PDE1C: variants seen among roughly 807,000 people sequenced by gnomAD.
The protein encoded by PDE1C is dual specificity calcium/calmodulin-dependent 3',5'-cyclic nucleotide phosphodiesterase 1C.
PDE1C carries 62 observed loss-of-function variants against 93.1 expected under a neutral mutation model. That is an observed-to-expected ratio of 0.67 (90% confidence interval 0.54 to 0.82). The LOEUF is 0.82. Among genes scored for constraint, PDE1C ranks in the 40% least tolerant of loss-of-function variants. The probability of loss-of-function intolerance (pLI) is 0.00; values close to 1 mark genes in which losing one functional copy is unlikely to be tolerated. For missense variants in PDE1C, 742 were observed against 884.6 expected (o/e 0.84, Z 2.04); for synonymous variants, 325 against 310.1 (o/e 1.05, Z -0.50).
intron 1 of PDE1C, among the ~76,000 whole-genome samples, chr7:32,223,912 A>G (rs1807065274): frequency 6.6e-6 from 1 of 152,172 alleles, no homozygotes; most frequent in Non-Finnish European, 1.5e-5. Context: ...AACGCTGCAC[A>G]ATGTGGCCCA....
At chr7:32,303,890 C>A (rs1413070379), upstream of PDE1C, among the ~76,000 whole-genome samples, 2 of 152,090 alleles carry the variant, frequency 1.3e-5, no homozygotes, top group Non-Finnish European at 2.9e-5. Context: ...CTCCCCATAA[C>A]ATAATGTAGC....
the PDE1C span, among the ~76,000 whole-genome samples, chr7:31,743,165 G>A: frequency 2.0e-5 from 3 of 152,104 alleles, no homozygotes; most frequent in Non-Finnish European, 4.4e-5. Flanking sequence ...TGTGAAATAT[G>A]ACTTTTATCC....
intron 1 of PDE1C, among the ~76,000 whole-genome samples, chr7:32,290,705 C>T (rs1812279385): frequency 6.6e-6 from 1 of 152,138 alleles, no homozygotes; most frequent in Non-Finnish European, 1.5e-5. Flanking sequence ...TAGGGACTCG[C>T]TTTGCAAAAC....
intron 2 of PDE1C, among the ~76,000 whole-genome samples, chr7:32,179,601 A>C (rs1416862478): frequency 1.3e-5 from 2 of 152,168 alleles, no homozygotes; most frequent in African/African-American, 4.8e-5. Context: ...CTCAGGCTGC[A>C]GGGGAGGATA....
chr7:32,294,000 G>C (rs921171076), intron 1 of PDE1C, among the ~76,000 whole-genome samples: 10 of 152,138 alleles, frequency 6.6e-5, no homozygotes, highest in African/African-American at 2.4e-4. Flanking sequence ...GGGCCTCTCT[G>C]CCAGGGCTGG....
intron 2 of PDE1C, among the ~76,000 whole-genome samples, chr7:32,184,489 T>C (rs936533438): frequency 1.3e-4 from 20 of 152,234 alleles, no homozygotes; most frequent in Non-Finnish European, 5.9e-5. Flanking sequence ...GATGAGTTCA[T>C]GTCCTTTGTA....
At chr7:32,364,423 G>A (rs1463827722) in intron 1 of PDE1C, among the ~76,000 whole-genome samples, 2 of 152,178 alleles carry the variant, frequency 1.3e-5, no homozygotes, top group Admixed American at 6.5e-5. Flanking sequence ...CAGCGTGGAA[G>A]CACTGGCCTC....
At chr7:32,089,900 A>G (rs771654370) in intron 3 of PDE1C, among the ~76,000 whole-genome samples, 1 of 152,194 alleles carries the variant, frequency 6.6e-6, no homozygotes, top group Non-Finnish European at 1.5e-5. Context: ...CCTTCTCTCC[A>G]CAAGGAGTCA....
intron 3 of PDE1C, among the ~76,000 whole-genome samples, chr7:32,161,717 C>CA (rs1381306828): frequency 3.9e-5 from 6 of 152,202 alleles, no homozygotes; most frequent in Admixed American, 3.9e-4. Context: ...AGTTTATCCA[C>CA]ACTTCACATT....
Position 31,877,950 on chromosome 7 carries a change from A to T in PDE1C, c.492+20T>A. The T allele has an allele frequency of 6.4e-7, 1 of 1,570,870 alleles. No homozygotes were observed. The highest frequency in any genetic ancestry group is 8.7e-7 in the Non-Finnish European group (1 of 1,143,302). ...TTATTAGGTACCATGTACATTGTAA[A>T]ATCTTTTCACTCGTATTACCTTTAA... On this transcript the variant is annotated intron_variant, in intron 5 of 17. Coordinates refer to ENST00000396191, the MANE Select transcript of PDE1C (RefSeq NM_001191057.4).
At chr7:31,655,986 C>T in the PDE1C span, 1 of 985,318 alleles carries the variant, frequency 1.0e-6, no homozygotes, top group African/African-American at 1.7e-5. Flanking sequence ...AAACCACCTC[C>T]TGTGTTCCTG....
In PDE1C at chr7:32,410,721, G is replaced by A. The variant is rs190916840; in HGVS notation, c.310+17101C>T. On this transcript the variant is annotated intron_variant, in intron 1 of 1. Transcript: ENST00000672256. The stretch of plus-strand genomic sequence containing the variant: ...GAGAGCATTTCTTCCCTGCTCCTCC[G>A]CTTCCCGGACAGTGGCTGTGCTCCC... Among the ~76,000 whole-genome samples the A allele has an allele frequency of 3.8e-3, 573 of 152,244 alleles. 2 individuals are homozygous for A. The highest frequency in any genetic ancestry group is 0.017 in the Middle Eastern group (5 of 294).
At position 31,848,064 on chromosome 7, in the gene PDE1C, G is replaced by T; in HGVS notation, c.884C>A (p.Ser295Tyr). Reference protein sequence around the residue: ...SDPAILYNDRSVLENHHLSAA... With the variant: ...SDPAILYNDRYVLENHHLSAA... ...ACTTAAATGGTGATTCTCCAGTACAGATCTGTCATTATACAGAATAGCTGG... is the reference window on the plus strand; with the variant it reads ...ACTTAAATGGTGATTCTCCAGTACATATCTGTCATTATACAGAATAGCTGG... The change falls in exon 9 of 18, where the codon TCT (serine) becomes TAT (tyrosine). Residue 295 changes from serine to tyrosine, a missense_variant. Coordinates refer to ENST00000396191, the MANE Select transcript of PDE1C (RefSeq NM_001191057.4). 3 of 1,612,928 alleles carry T rather than the reference G, an allele frequency of 1.9e-6. No individual in the cohort carries two copies. Among genetic ancestry groups the T allele is most frequent in the Non-Finnish European group, 2.5e-6 (3 of 1,179,308 alleles).
intron 5 of PDE1C, 126 bp downstream of exon 5, chr7:31,877,844 T>G: frequency 1.6e-6 from 1 of 615,884 alleles, no homozygotes. Context: ...AAAAAGATAA[T>G]GAAAGAATAA....
intron 2 of PDE1C, among the ~76,000 whole-genome samples, chr7:31,932,136 C>T (rs545353417): frequency 1.6e-4 from 24 of 152,232 alleles, no homozygotes; most frequent in African/African-American, 5.8e-4. Context: ...CTAGGCAATA[C>T]CATTCAGGAC....
chr7:32,266,141 G>T (rs971808378), intron 1 of PDE1C, among the ~76,000 whole-genome samples: 1 of 152,024 alleles, frequency 6.6e-6, no homozygotes, highest in African/African-American at 2.4e-5. Context: ...AATTAGCTGG[G>T]TGTGGTGGCA....
exon 1 of PDE1C, chr7:32,298,988 C>G (rs1812803805): frequency 7.8e-7 from 1 of 1,276,034 alleles, no homozygotes; most frequent in Non-Finnish European, 9.9e-7. Context: ...AAGCCGAGTT[C>G]CAGAGGCGGC....
chr7:32,275,921 C>T (rs547281353), intron 1 of PDE1C, among the ~76,000 whole-genome samples: 29 of 152,318 alleles, frequency 1.9e-4, no homozygotes, highest in African/African-American at 6.7e-4. Context: ...AATACAGAAG[C>T]ATGCTCACTT....
chr7:31,759,754 G>A (rs975533543), intron 17 of PDE1C, among the ~76,000 whole-genome samples: 5 of 152,142 alleles, frequency 3.3e-5, no homozygotes, highest in African/African-American at 9.7e-5. Context: ...TCTTTTAGGA[G>A]TTTTAACTCT....
Sources: allele counts gnomAD v4.1 joint callset (sites outside exome capture counted in the v4.1 genomes callset), GRCh38; gene constraint gnomAD v4.1.1; transcripts MANE v1.5; gene names NCBI Gene and HGNC (gene_info 2026-07-23, HGNC 2026-07-21).